Variants in ABCC4 observed in about 807,000 individuals in gnomAD.
ABCC4 encodes the protein ATP binding cassette subfamily C member 4 (PEL blood group), also known as ATP-binding cassette sub-family C member 4.
ABCC4 carries 102 observed loss-of-function variants against 168.5 expected under a neutral mutation model. The observed-to-expected ratio is 0.61, with a 90% CI of 0.52 to 0.71. The LOEUF (loss-of-function observed/expected upper bound fraction) is 0.71. Ranked by LOEUF, ABCC4 falls within the 30% of genes least tolerant of loss-of-function variation. The pLI, the probability that ABCC4 is intolerant of heterozygous loss-of-function variation, is 0.00. For synonymous variants in ABCC4, 617 were observed against 590.7 expected (o/e 1.04, Z -0.65); for missense variants, 1,402 against 1,605.8 (o/e 0.87, Z 2.17).
At chr13:95,228,229 A>G (rs4773856) in intron 4 of ABCC4, among the ~76,000 whole-genome samples, 112,623 of 152,050 alleles carry the variant, frequency 0.74, 41,835 homozygotes, top group South Asian at 0.87. Flanking sequence ...GGATGCAGCC[A>G]GAGAGCTACA....
chr13:95,171,869 A>G (rs577180601), intron 13 of ABCC4, among the ~76,000 whole-genome samples: 1 of 152,286 alleles, frequency 6.6e-6, no homozygotes, highest in East Asian at 1.9e-4. Context: ...AAGTTGTTCA[A>G]TCTAGTATAC....
At chr13:95,209,291 C>G (rs2038881425) in intron 6 of ABCC4, 143 bp downstream of exon 6, 1 of 970,462 alleles carries the variant, frequency 1.0e-6, no homozygotes, top group Non-Finnish European at 1.5e-6. Flanking sequence ...GACAGAGGCC[C>G]CCTTGGCTGA....
At chr13:95,092,431 A>G (rs1330766940) in intron 20 of ABCC4, among the ~76,000 whole-genome samples, 1 of 152,186 alleles carries the variant, frequency 6.6e-6, no homozygotes, top group Non-Finnish European at 1.5e-5. Flanking sequence ...GAATCTTCAA[A>G]ACCATGCAAA....
intron 19 of ABCC4, among the ~76,000 whole-genome samples, chr13:95,121,862 T>C (rs1317692688): frequency 2.6e-5 from 4 of 152,122 alleles, no homozygotes; most frequent in Non-Finnish European, 5.9e-5. Context: ...CTTACATCCA[T>C]TGGGACCTTC....
intron 28 of ABCC4, 94 bp from the exon 29 acceptor site, chr13:95,043,881 A>G: frequency 1.3e-6 from 1 of 779,112 alleles, no homozygotes; most frequent in South Asian, 1.9e-5. Flanking sequence ...ATTTAAAAAA[A>G]AAAGATCATA....
intron 29 of ABCC4, among the ~76,000 whole-genome samples, chr13:95,042,863 G>A (rs539310216): frequency 1.3e-5 from 2 of 152,250 alleles, no homozygotes; most frequent in South Asian, 4.1e-4. Context: ...TCACCAATGC[G>A]GTAACAGCAA....
intron 24 of ABCC4, among the ~76,000 whole-genome samples, chr13:95,072,166 A>G (rs879659095): frequency 1.3e-5 from 2 of 152,240 alleles, no homozygotes; most frequent in African/African-American, 2.4e-5. Context: ...CCACCAATCA[A>G]GAATCTTTTG....
intron 29 of ABCC4, among the ~76,000 whole-genome samples, chr13:95,034,968 A>G (rs1014648029): frequency 2.0e-5 from 3 of 152,106 alleles, no homozygotes; most frequent in Non-Finnish European, 4.4e-5. Context: ...AAAGTTCTAG[A>G]CTATTATTCT....
At chr13:95,063,200 G>T (rs1033959525) in intron 25 of ABCC4, among the ~76,000 whole-genome samples, 1 of 152,140 alleles carries the variant, frequency 6.6e-6, no homozygotes, top group Non-Finnish European at 1.5e-5. Context: ...TTCTAAAAAA[G>T]AGTTGAAAAT....
intron 1 of ABCC4, among the ~76,000 whole-genome samples, 180 bp downstream of exon 1, chr13:95,301,061 G>A (rs2041665565): frequency 6.6e-6 from 1 of 152,074 alleles, no homozygotes; most frequent in Non-Finnish European, 1.5e-5. Context: ...GGACCACGCG[G>A]CCGGCGTGGG....
At position 95,200,356 on chromosome 13, in the gene ABCC4, G is replaced by A. The variant is rs188288309; in HGVS notation, c.1162-5419C>T. ...TGCTACACATATTTTGACCTCATGC[G>A]TTTTTTTATCACACAACTAGGGCAA... is the stretch of plus-strand genomic sequence containing the variant. On this transcript the variant is annotated intron_variant, in intron 8 of 30. Coordinates refer to ENST00000645237, the MANE Select transcript of ABCC4 (RefSeq NM_005845.5). Among the ~76,000 whole-genome samples the A allele has an allele frequency of 3.7e-4, 57 of 152,188 alleles. No individual in the cohort carries two copies. The East Asian group carries it at 5.8e-3, about 15-fold the overall frequency.
chr13:95,210,861 A>T, intron 4 of ABCC4, 80 bp from the exon 5 acceptor site: 2 of 1,056,330 alleles, frequency 1.9e-6, no homozygotes. Context: ...GACCTGAGGA[A>T]GTCTCGTGTG....
At chr13:95,164,758 G>A (rs1283696738) in intron 15 of ABCC4, among the ~76,000 whole-genome samples, 2 of 151,984 alleles carry the variant, frequency 1.3e-5, no homozygotes, top group Non-Finnish European at 2.9e-5. Flanking sequence ...GTAGTGGCGC[G>A]ATCTTGGCTC....
intron 1 of ABCC4, among the ~76,000 whole-genome samples, chr13:95,290,905 G>A (rs2041385258): frequency 1.4e-5 from 2 of 145,694 alleles, no homozygotes; most frequent in East Asian, 2.1e-4. Context: ...GCTGAGACAG[G>A]AGAACCGCTT....
chr13:95,046,623 C>T (rs2032589958), intron 27 of ABCC4, among the ~76,000 whole-genome samples: 1 of 152,034 alleles, frequency 6.6e-6, no homozygotes, highest in East Asian at 1.9e-4. Flanking sequence ...AAAAAATTAG[C>T]TGGGCATGGT....
intron 30 of ABCC4, among the ~76,000 whole-genome samples, chr13:95,032,581 G>A (rs1429089449): frequency 6.6e-6 from 1 of 152,222 alleles, no homozygotes; most frequent in East Asian, 1.9e-4. Context: ...AGATGAAATA[G>A]GAGCTGAAGG....
At chr13:95,281,389 C>T (rs1051965408) in intron 1 of ABCC4, among the ~76,000 whole-genome samples, 10 of 149,776 alleles carry the variant, frequency 6.7e-5, no homozygotes, top group African/African-American at 2.4e-4. Flanking sequence ...ACAGCTTACA[C>T]TGGACAGGCT....
chr13:95,286,785 C>T (rs374911037), intron 1 of ABCC4, among the ~76,000 whole-genome samples: 5 of 151,080 alleles, frequency 3.3e-5, no homozygotes, highest in East Asian at 2.0e-4. Context: ...GGTGAAACCC[C>T]TTGTCTACTA....
intron 20 of ABCC4, among the ~76,000 whole-genome samples, chr13:95,099,526 C>T (rs908016485): frequency 3.9e-5 from 6 of 152,128 alleles, no homozygotes; most frequent in Admixed American, 3.3e-4. Context: ...AAATATGACA[C>T]TAGAATTTCA....
Sources: gnomAD v4.1 joint callset for allele counts (sites outside exome capture counted in the v4.1 genomes callset) on GRCh38, gnomAD v4.1.1 for gene constraint, MANE v1.5 for transcripts, NCBI Gene and HGNC (gene_info 2026-07-23, HGNC 2026-07-21) for gene names.